Variants in PHF23 observed in about 807,000 individuals in gnomAD.
PHF23 encodes PHD finger protein 23.
Under a neutral mutation model 36.0 loss-of-function variants are expected in PHF23, and 3 were observed. The ratio of observed to expected loss-of-function variants is 0.08; its 90% CI spans 0.04 to 0.22. The LOEUF (loss-of-function observed/expected upper bound fraction) is 0.22. Among genes scored for constraint, PHF23 ranks in the 10% least tolerant of loss-of-function variants. The probability of loss-of-function intolerance (pLI) is 1.00; values close to 1 mark genes in which losing one functional copy is unlikely to be tolerated. For synonymous variants in PHF23, 242 were observed against 192.5 expected, an observed-to-expected ratio of 1.26 and a Z score of -2.13; for missense variants, 475 against 513.6, an observed-to-expected ratio of 0.92 and a Z score of 0.73.
At chr17:7,240,742 G>C, upstream of PHF23, 1 of 731,034 alleles carries the variant, frequency 1.4e-6, no homozygotes, top group Non-Finnish European at 2.5e-6. Flanking sequence ...AAGAAGTGCC[G>C]GTCCTGAATA....
Position 7,237,631 on chromosome 17 carries a change from G to T in PHF23, c.64C>A (p.Gln22Lys), listed in dbSNP as rs926940109. The T allele has an allele frequency of 6.2e-7, 1 of 1,613,988 alleles. No homozygotes were observed. Among genetic ancestry groups the T allele is most frequent in the Non-Finnish European group, 8.5e-7 (1 of 1,179,962 alleles). Residue 22 changes from glutamine (Q) to lysine (K), a missense_variant and splice_region_variant, in exon 2 of 5, where the codon CAG (glutamine) becomes AAG (lysine). This residue lies in a region of PHF23 where 54 missense variants were observed against 42.0 expected (regional missense o/e 1.28). Transcript: ENST00000320316. Reference protein sequence around the residue: ...DPPPTLKPETQPPEKRRRTIE... With the variant: ...DPPPTLKPETKPPEKRRRTIE... ...TGCAAAGGTAAGGCAAACCTCACCT[G>T]AGTCTCTGGCTTAAGGGTCGGAGGT... is the stretch of plus-strand genomic sequence containing the variant.
chr17:7,236,612 A>G lies in PHF23; in HGVS notation c.315T>C (p.Gly105=). 6.2e-7 allele frequency: 1 copy of G among 1,614,132 alleles called. No homozygotes were observed. The highest frequency in any genetic ancestry group is 8.5e-7 in the Non-Finnish European group (1 of 1,180,018). ...ACCTTGGGGGTCCTGGCTGGGTGGGACCTGCTTGAGCTGCCCTTCTCTTGG... is the reference window on the plus strand; with the variant it reads ...ACCTTGGGGGTCCTGGCTGGGTGGGGCCTGCTTGAGCTGCCCTTCTCTTGG... ...KSSKRRAAQA[G]PTQPGPPRST... is the part of the protein sequence containing the mutation. The change falls in exon 4 of 5, where the codon GGT becomes GGC. Residue 105 remains glycine, a synonymous_variant. Transcript: ENST00000320316. This position sits in a 1 kb window ranked among gnomAD's most constrained non-coding sequence, Gnocchi z 5.1.
chr17:7,238,587 T>A, intron 1 of PHF23: 11 of 1,036,244 alleles, frequency 1.1e-5, no homozygotes, highest in Non-Finnish European at 1.3e-5. Context: ...CCCAGGCTCT[T>A]AACCCTCGCG....
intron 1 of PHF23, chr17:7,238,702 C>T (rs1364047629): frequency 1.7e-5 from 20 of 1,189,532 alleles, no homozygotes; most frequent in Non-Finnish European, 2.1e-5. Context: ...CTGGCTCGCT[C>T]TCTCCACAAC....
chr17:7,238,284 T>TC (rs1567583145), intron 1 of PHF23: 1 of 8,070 alleles, frequency 1.2e-4, no homozygotes, highest in Non-Finnish European at 2.3e-4. Flanking sequence ...GGCCCCCACC[T>TC]GCCCCCCCCC....
chr17:7,236,144 CTCTTCT>C lies in PHF23; in HGVS notation c.777_782del (p.Glu260_Glu261del), dbSNP rs759574171. 16 of 1,610,288 alleles carry C rather than the reference CTCTTCT, an allele frequency of 9.9e-6. No individual in the cohort carries two copies. Among genetic ancestry groups the C allele is most frequent in the Middle Eastern group, 1.7e-4 (1 of 6,044 alleles). On this transcript the variant is annotated inframe_deletion, in exon 4 of 5. Transcript: ENST00000320316. This position sits in a 1 kb window ranked among gnomAD's most constrained non-coding sequence, Gnocchi z 5.1. ...CTTCACCCCCTACCACTGTTGCCAT[CTCTTCT>C]TCTTCTTCCTCTTCCTCCTCTTCCT...
chr17:7,239,283 C>T lies in PHF23; in HGVS notation c.-4G>A, dbSNP rs1333280074. 5 of 1,463,054 alleles carry T rather than the reference C, an allele frequency of 3.4e-6. No individual in the cohort carries two copies. The East Asian group carries it at 1.2e-4, about 34-fold the overall frequency. 90.6% of individuals were successfully genotyped at this position (1,463,054 alleles called of 1,614,324 possible). On this transcript the variant is annotated 5_prime_UTR_variant, in exon 1 of 5. Transcript: ENST00000320316. ...GCTCCGCCATGGCTTCCAGCATCGCCCCCTCCCCTCCTCCCGGTCCGGCGC... is the reference window on the plus strand; with the variant it reads ...GCTCCGCCATGGCTTCCAGCATCGCTCCCTCCCCTCCTCCCGGTCCGGCGC...
In PHF23 at chr17:7,236,617, C is replaced by T. The variant is rs1271815966; in HGVS notation, c.310G>A (p.Ala104Thr). ...AKSSKRRAAQ[A>T]GPTQPGPPRS... is the part of the protein sequence containing the mutation. ...GGGGGTCCTGGCTGGGTGGGACCTG[C>T]TTGAGCTGCCCTTCTCTTGGATGAC... Residue 104 changes from alanine to threonine, a missense_variant, in exon 4 of 5, where the codon GCA becomes ACA. By Grantham distance (58) the Ala-to-Thr change is moderately conservative. Around this residue, in one of 5 missense-constraint regions of PHF23, gnomAD observed 350 missense variants for 319.8 expected, o/e 1.09. Transcript: ENST00000320316. The surrounding 1 kb of genome is among the most constrained non-coding windows in gnomAD (Gnocchi z 5.1). The T allele has an allele frequency of 6.2e-7, 1 of 1,614,166 alleles. No individual in the cohort carries two copies. Among genetic ancestry groups the T allele is most frequent in the Non-Finnish European group, 8.5e-7 (1 of 1,180,002 alleles).
chr17:7,237,066 C>G (rs999072114), intron 3 of PHF23, among the ~76,000 whole-genome samples: 4 of 152,244 alleles, frequency 2.6e-5, no homozygotes, highest in Admixed American at 1.3e-4. Context: ...TTCTGTATAG[C>G]CTCATTTGTT....
intron 1 of PHF23, 192 bp from the exon 2 acceptor site, chr17:7,237,852 G>T (rs2071704186): frequency 4.8e-6 from 3 of 627,986 alleles, no homozygotes; most frequent in Non-Finnish European, 2.8e-6. Context: ...TGGGCGCGGC[G>T]CCCTCTGAGG....
rs1172572132 is a variant in PHF23 at position 7,239,326 on chromosome 17, G to A, written c.-47C>T. ...TCCGGCGCCCCCCTCCCCGGAGCCG[G>A]GGATCCCGGTGCCGCCTCTAGTGCT... On this transcript the variant is annotated 5_prime_UTR_variant, in exon 1 of 5. Transcript: ENST00000320316. The A allele has an allele frequency of 1.4e-5, 14 of 1,015,560 alleles. No homozygotes were observed. Among genetic ancestry groups the A allele is most frequent in the Non-Finnish European group, 2.0e-5 (13 of 663,782 alleles). 62.9% of individuals were successfully genotyped at this position (1,015,560 alleles called of 1,614,324 possible). A position where few individuals can be genotyped will look rare whatever the true frequency, so the allele number is the denominator to read the frequency against.
At chr17:7,239,539 T>G, upstream of PHF23, 3 of 295,836 alleles carry the variant, frequency 1.0e-5, no homozygotes, top group Non-Finnish European at 1.3e-5. Flanking sequence ...CCTCCCTCCC[T>G]CCTCTTCTCT....
chr17:7,238,747 T>TA, intron 1 of PHF23: 1 of 1,496,046 alleles, frequency 6.7e-7, no homozygotes, highest in Non-Finnish European at 8.9e-7. Flanking sequence ...CCGTAGACAA[T>TA]ACCCAGACCC....
intron 1 of PHF23, 158 bp from the exon 2 acceptor site, chr17:7,237,818 T>A: frequency 2.5e-6 from 2 of 811,538 alleles, no homozygotes; most frequent in Non-Finnish European, 3.9e-6. Context: ...CGGCTCCCCC[T>A]TCCGCCCCGC....
chr17:7,236,468 G>T lies in PHF23; in HGVS notation c.459C>A (p.Ser153=), dbSNP rs142088172. The change falls in exon 4 of 5, where the codon TCC becomes TCA. Residue 153 remains serine (S), a synonymous_variant. Coordinates refer to ENST00000320316, the MANE Select transcript of PHF23 (RefSeq NM_024297.3). This position sits in a 1 kb window ranked among gnomAD's most constrained non-coding sequence, Gnocchi z 5.1. ...CAGGGGGCCGGGAGGTATGTGTCAG[G>T]GATGTGGGGGACAAAGGAGATGCCA... ...PKVASPLSPT[S]LTHTSRPPAA... 7.2e-4 allele frequency: 1,159 copies of T among 1,613,866 alleles called. 23 individuals are homozygous for T. The East Asian group carries it at 0.025, about 35-fold the overall frequency.
At chr17:7,237,876 C>T (rs988744280) in intron 1 of PHF23, 4 of 588,638 alleles carry the variant, frequency 6.8e-6, no homozygotes, top group South Asian at 2.0e-5. Flanking sequence ...CGCTATAGCG[C>T]TCCCCTTCCC....
Position 7,235,941 on chromosome 17 carries a change from A to G in PHF23, c.986T>C (p.Met329Thr). 6.2e-7 allele frequency: 1 copy of G among 1,611,358 alleles called. No homozygotes were observed. Residue 329 changes from methionine to threonine, a missense_variant, in exon 4 of 5, where the codon ATG becomes ACG. By Grantham distance (81) the Met-to-Thr change is moderately conservative. Transcript: ENST00000320316. ...GEMRVMDEDIMVESGDDSWDL... is the reference protein window; with the variant it reads ...GEMRVMDEDITVESGDDSWDL... ...CCCGAACCTCTCACCTGATTCTACC[A>G]TGATGTCCTCGTCCATGACCCGCAT...
chr17:7,237,516 C>T (rs1170334450), intron 2 of PHF23, 39 bp from the exon 3 acceptor site: 3 of 1,607,882 alleles, frequency 1.9e-6, no homozygotes, highest in African/African-American at 1.3e-5. Context: ...CAAAGCCACA[C>T]AGTTTAAGAA....
chr17:7,239,205 C>T, intron 1 of PHF23, 41 bp downstream of exon 1: 1 of 1,406,100 alleles, frequency 7.1e-7, no homozygotes, highest in Non-Finnish European at 9.8e-7. Flanking sequence ...TCCTCGCCCG[C>T]CCCCCGCCGG....
Sources: allele counts gnomAD v4.1 joint callset (sites outside exome capture counted in the v4.1 genomes callset), GRCh38; gene constraint gnomAD v4.1.1; regional missense constraint gnomAD v4.1.1; non-coding constraint Gnocchi (gnomAD v3.1); transcripts MANE v1.5; gene names NCBI Gene and HGNC (gene_info 2026-07-23, HGNC 2026-07-21).